Variants in MCTP1 observed in about 807,000 individuals in gnomAD.
MCTP1 encodes multiple C2 and transmembrane domain containing 1, also known as multiple C2 and transmembrane domain-containing protein 1.
MCTP1 carries 69 observed loss-of-function variants against 120.6 expected under a neutral mutation model. That is an observed-to-expected ratio of 0.57 (90% confidence interval 0.47 to 0.70). MCTP1 has a LOEUF of 0.70. Among genes scored for constraint, MCTP1 ranks in the 30% least tolerant of loss-of-function variants. The pLI is 0.00. For synonymous variants in MCTP1, 529 were observed against 493.1 expected (o/e 1.07, Z -0.96); for missense variants, 1,203 against 1,248.8 (o/e 0.96, Z 0.55).
chr5:95,088,998 G>A (rs186306342), intron 1 of MCTP1, among the ~76,000 whole-genome samples: 13 of 152,274 alleles, frequency 8.5e-5, no homozygotes, highest in Admixed American at 6.5e-4. Context: ...TTGTAGGCAC[G>A]ATTTTTCAGG....
At chr5:94,817,306 G>T (rs1784657868) in intron 17 of MCTP1, among the ~76,000 whole-genome samples, 1 of 152,174 alleles carries the variant, frequency 6.6e-6, no homozygotes, top group Non-Finnish European at 1.5e-5. Flanking sequence ...CATTTGGGAG[G>T]CTGAGGCATG....
At chr5:95,167,371 A>C (rs183188395) in intron 1 of MCTP1, among the ~76,000 whole-genome samples, 134 of 152,264 alleles carry the variant, frequency 8.8e-4, no homozygotes, top group African/African-American at 3.0e-3. Context: ...ATAAACATAC[A>C]TGTGCACATG....
intron 19 of MCTP1, among the ~76,000 whole-genome samples, chr5:94,753,794 C>A (rs1314955826): frequency 6.6e-6 from 1 of 152,200 alleles, no homozygotes; most frequent in Non-Finnish European, 1.5e-5. Context: ...CACAAAGTAA[C>A]TTCTCTTCTA....
intron 6 of MCTP1, among the ~76,000 whole-genome samples, chr5:94,929,880 A>C (rs1326382450): frequency 6.6e-6 from 1 of 152,220 alleles, no homozygotes; most frequent in African/African-American, 2.4e-5. Context: ...AAATCAAATG[A>C]GTTAACTGAT....
Position 94,894,680 on chromosome 5 carries a change from T to G in MCTP1, c.1808A>C (p.Gln603Pro), listed in dbSNP as rs754319516. The G allele has an allele frequency of 6.2e-7, 1 of 1,611,656 alleles. No individual in the cohort carries two copies. ...SDLSVNSLED[Q>P]KEREEILKRY... is the part of the protein sequence containing the mutation. Reference sequence around the variant, plus strand: ...CTTTAATATCTCCTCTCGTTCCTTCTGGTCCTCCAGGGAGTTGACAGACAG... The same window carrying G: ...CTTTAATATCTCCTCTCGTTCCTTCGGGTCCTCCAGGGAGTTGACAGACAG... Residue 603 changes from glutamine to proline, a missense_variant, in exon 11 of 23, where the codon CAG becomes CCG. By Grantham distance (76) the Gln-to-Pro change is moderately conservative (BLOSUM62 -1). Coordinates refer to ENST00000515393, the MANE Select transcript of MCTP1 (RefSeq NM_024717.7).
At chr5:94,855,790 G>C (rs1794624192) in intron 17 of MCTP1, among the ~76,000 whole-genome samples, 1 of 151,758 alleles carries the variant, frequency 6.6e-6, no homozygotes, top group African/African-American at 2.4e-5. Context: ...CAAACACCAT[G>C]ATGAGATAAA....
intron 6 of MCTP1, chr5:94,931,740 A>T: frequency 1.8e-6 from 1 of 550,732 alleles, no homozygotes; most frequent in Non-Finnish European, 3.2e-6. Flanking sequence ...TTGAGAAGTG[A>T]CCAGAGAATA....
At chr5:95,136,209 A>G (rs546141216) in intron 1 of MCTP1, among the ~76,000 whole-genome samples, 8 of 152,278 alleles carry the variant, frequency 5.3e-5, no homozygotes, top group South Asian at 2.1e-4. Context: ...TGAAGACCCA[A>G]TGAAATATCA....
chr5:95,267,976 G>A (rs2152727561), intron 1 of MCTP1, among the ~76,000 whole-genome samples: 1 of 152,282 alleles, frequency 6.6e-6, no homozygotes, highest in East Asian at 1.9e-4. Flanking sequence ...GAAGAAATCT[G>A]ACCAACTCCT....
Position 94,737,916 on chromosome 5 carries a change from C to T in MCTP1, c.2611-23030G>A, listed in dbSNP as rs531721533. On this transcript the variant is annotated intron_variant, in intron 19 of 22. Transcript: ENST00000515393. ...GTGGTCTCAAACTCCTGAGCTCAGG[C>T]GATCCACCTGCCTCGGCCTCCCAGA... Among the ~76,000 whole-genome samples the T allele has an allele frequency of 2.0e-5, 3 of 152,230 alleles. No individual in the cohort carries two copies. In the South Asian group the frequency reaches 6.2e-4, roughly 32 times the overall value.
At position 94,707,205 on chromosome 5, in the gene MCTP1, A is replaced by ATATC; in HGVS notation, c.*287_*290dup. 1 of 262,534 alleles carries ATATC rather than the reference A, an allele frequency of 3.8e-6. No individual in the cohort carries two copies. Among genetic ancestry groups the ATATC allele is most frequent in the Non-Finnish European group, 7.1e-6 (1 of 139,928 alleles). 16.3% of individuals were successfully genotyped at this position (262,534 alleles called of 1,614,324 possible). Reference sequence around the variant, plus strand: ...AATCCACTAGTAATTAGATAAGAATATATCTTCCAGTGTTATCATTCTTAT... The same window carrying ATATC: ...AATCCACTAGTAATTAGATAAGAATATATCTATCTTCCAGTGTTATCATTCTTAT... On this transcript the variant is annotated 3_prime_UTR_variant, in exon 23 of 23. Transcript: ENST00000515393.
At chr5:95,171,729 C>T (rs897483984) in intron 1 of MCTP1, among the ~76,000 whole-genome samples, 7 of 151,234 alleles carry the variant, frequency 4.6e-5, no homozygotes, top group South Asian at 2.1e-4. Flanking sequence ...GCATTCGTTG[C>T]GTAGTTCTCA....
chr5:94,942,268 C>A (rs1817900891), intron 4 of MCTP1, 80 bp downstream of exon 4: 1 of 1,052,374 alleles, frequency 9.5e-7, no homozygotes, highest in African/African-American at 1.6e-5. Context: ...AGAACTAGAC[C>A]CCAGATCAGC....
At chr5:94,985,038 T>C (rs1830208203) in intron 2 of MCTP1, among the ~76,000 whole-genome samples, 1 of 152,190 alleles carries the variant, frequency 6.6e-6, no homozygotes, top group Non-Finnish European at 1.5e-5. Context: ...ATAAAACTAA[T>C]TAAAATATCT....
chr5:95,229,341 A>AC (rs1754649796), intron 1 of MCTP1, among the ~76,000 whole-genome samples: 2 of 152,160 alleles, frequency 1.3e-5, no homozygotes, highest in Non-Finnish European at 2.9e-5. Flanking sequence ...CCAGATAGTG[A>AC]CCCCAACTCG....
Position 95,284,679 on chromosome 5 carries a change from T to C in MCTP1, c.-104A>G, listed in dbSNP as rs552712595. ...TCCCGGGTCCCCGCGGCGCTGGCGG[T>C]GGCGGCGGCGGCGGCGGCGGGCGCA... is the stretch of plus-strand genomic sequence containing the variant. On this transcript the variant is annotated 5_prime_UTR_variant, in exon 1 of 23. Coordinates refer to ENST00000515393, the MANE Select transcript of MCTP1 (RefSeq NM_024717.7). The surrounding 1 kb of genome is among the most constrained non-coding windows in gnomAD (Gnocchi z 5.2). 427 of 980,758 alleles carry C rather than the reference T, an allele frequency of 4.4e-4. No individual in the cohort carries two copies. Among genetic ancestry groups the C allele is most frequent in the Non-Finnish European group, 5.0e-4 (367 of 729,216 alleles). 60.8% of individuals were successfully genotyped at this position (980,758 alleles called of 1,614,324 possible).
chr5:95,094,076 A>C (rs182022711), intron 1 of MCTP1, among the ~76,000 whole-genome samples: 1 of 152,358 alleles, frequency 6.6e-6, no homozygotes, highest in East Asian at 1.9e-4. Flanking sequence ...CAGAGCAGAG[A>C]TTAGCTGCCC....
At position 95,082,532 on chromosome 5, in the gene MCTP1, G is replaced by C. The variant is rs577980131; in HGVS notation, c.721-65048C>G. On this transcript the variant is annotated intron_variant, in intron 1 of 22. Transcript: ENST00000515393. The stretch of plus-strand genomic sequence containing the variant: ...ACAGTAAGTAGGCTGAAACTAACTA[G>C]AACAGGGCTGTTAAATAGACATATA... 2.6e-5 allele frequency among the ~76,000 whole-genome samples: 4 copies of C among 152,174 alleles called. No homozygotes were observed. In the South Asian group the frequency reaches 6.2e-4, roughly 24 times the overall value.
intron 1 of MCTP1, among the ~76,000 whole-genome samples, chr5:95,159,509 A>T (rs957119166): frequency 1.3e-5 from 2 of 152,186 alleles, no homozygotes; most frequent in African/African-American, 2.4e-5. Context: ...AGTGCCCATA[A>T]TGCATGTACT....
Sources: allele counts gnomAD v4.1 joint callset (sites outside exome capture counted in the v4.1 genomes callset), GRCh38; gene constraint gnomAD v4.1.1; non-coding constraint Gnocchi (gnomAD v3.1); transcripts MANE v1.5; gene names NCBI Gene and HGNC (gene_info 2026-07-23, HGNC 2026-07-21).